The following MCF2L2 variants were observed in gnomAD, a reference collection of about 807,000 sequenced individuals.
MCF2L2 encodes the protein probable guanine nucleotide exchange factor MCF2L2.
MCF2L2 carries 102 observed loss-of-function variants against 150.2 expected under a neutral mutation model. The ratio of observed to expected loss-of-function variants is 0.68; its 90% CI spans 0.58 to 0.80. The LOEUF is 0.80. Among genes scored for constraint, MCF2L2 ranks in the 30% least tolerant of loss-of-function variants. The probability of loss-of-function intolerance (pLI) is 0.00; values close to 1 mark genes in which losing one functional copy is unlikely to be tolerated. For missense variants in MCF2L2, 1,256 were observed against 1,372.8 expected, an observed-to-expected ratio of 0.91 and a Z score of 1.34; for synonymous variants, 465 against 491.3, an observed-to-expected ratio of 0.95 and a Z score of 0.71.
In MCF2L2 at chr3:183,370,777, G is replaced by T. The variant is rs534715564; in HGVS notation, c.275+8520C>A. 3.8e-5 allele frequency among the ~76,000 whole-genome samples: 4 copies of T among 105,518 alleles called. No homozygotes were observed. The East Asian group carries it at 1.2e-3, about 33-fold the overall frequency. The allele number at this position is 105,518 out of a possible 152,430, so 69.2% of individuals were successfully genotyped here. ...TTTACTACAATTTACTTAAATTCTCGTGACATGTAAGACTTACTTGCCAGT... is the reference window on the plus strand; with the variant it reads ...TTTACTACAATTTACTTAAATTCTCTTGACATGTAAGACTTACTTGCCAGT... On this transcript the variant is annotated intron_variant, in intron 3 of 29. Transcript: ENST00000328913.
At chr3:183,313,056 G>A (rs1202451728) in intron 7 of MCF2L2, among the ~76,000 whole-genome samples, 1 of 152,168 alleles carries the variant, frequency 6.6e-6, no homozygotes, top group Non-Finnish European at 1.5e-5. Flanking sequence ...ATATTTGTAG[G>A]TTGGATAAAT....
chr3:183,217,829 G>T (rs935628342), intron 21 of MCF2L2, among the ~76,000 whole-genome samples: 1 of 152,150 alleles, frequency 6.6e-6, no homozygotes, highest in African/African-American at 2.4e-5. Context: ...CAGCGGAAAA[G>T]CAGTAACTAA....
chr3:183,239,303 G>T (rs1375818337), intron 15 of MCF2L2, among the ~76,000 whole-genome samples: 1 of 152,070 alleles, frequency 6.6e-6, no homozygotes, highest in Non-Finnish European at 1.5e-5. Context: ...AAGGGGAAAT[G>T]GAGGTATAAT....
At chr3:183,351,806 A>G (rs965977575) in intron 3 of MCF2L2, among the ~76,000 whole-genome samples, 11 of 152,232 alleles carry the variant, frequency 7.2e-5, no homozygotes, top group African/African-American at 2.7e-4. Flanking sequence ...TCTAATTCAG[A>G]AATAAAGTAT....
At chr3:183,316,160 C>T (rs1729593855) in intron 7 of MCF2L2, among the ~76,000 whole-genome samples, 1 of 152,192 alleles carries the variant, frequency 6.6e-6, no homozygotes. Flanking sequence ...GCACCTGGAC[C>T]CTGCTTTCAG....
chr3:183,195,734 A>G (rs1398632104), intron 25 of MCF2L2, among the ~76,000 whole-genome samples: 1 of 152,128 alleles, frequency 6.6e-6, no homozygotes, highest in East Asian at 1.9e-4. Context: ...TGCCTCCCAC[A>G]GCATAAAAGC....
At chr3:183,271,078 A>T in intron 15 of MCF2L2, 2 of 732,448 alleles carry the variant, frequency 2.7e-6, no homozygotes, top group Non-Finnish European at 4.2e-6. Context: ...TGTTTCTTTG[A>T]TTCTAGAAGC....
intron 27 of MCF2L2, among the ~76,000 whole-genome samples, chr3:183,188,519 C>T (rs1411939380): frequency 5.9e-5 from 9 of 152,178 alleles, no homozygotes; most frequent in African/African-American, 9.7e-5. Context: ...ACTCCATCCC[C>T]GCAGTGCCAT....
At chr3:183,257,656 C>G (rs144255702) in intron 15 of MCF2L2, among the ~76,000 whole-genome samples, 1 of 152,292 alleles carries the variant, frequency 6.6e-6, no homozygotes, top group African/African-American at 2.4e-5. Flanking sequence ...AACCCTCTAT[C>G]AAGTGTTGCT....
At chr3:183,399,845 A>G (rs1714648099) in intron 1 of MCF2L2, among the ~76,000 whole-genome samples, 1 of 152,190 alleles carries the variant, frequency 6.6e-6, no homozygotes, top group Non-Finnish European at 1.5e-5. Context: ...CTGATTCTCA[A>G]ATGAAGGATA....
chr3:183,272,449 C>G, intron 15 of MCF2L2: 1 of 1,000,108 alleles, frequency 1.0e-6, no homozygotes, highest in African/African-American at 1.7e-5. Flanking sequence ...AAAAAGATTT[C>G]TCAGTATACA....
At chr3:183,213,640 A>G (rs1248563952) in intron 22 of MCF2L2, among the ~76,000 whole-genome samples, 1 of 152,196 alleles carries the variant, frequency 6.6e-6, no homozygotes, top group African/African-American at 2.4e-5. Flanking sequence ...GAATCATTTG[A>G]GCTGAGTTAG....
chr3:183,231,770 T>G (rs1723570220), intron 15 of MCF2L2, among the ~76,000 whole-genome samples: 1 of 152,170 alleles, frequency 6.6e-6, no homozygotes, highest in Non-Finnish European at 1.5e-5. Context: ...GATCCAGATC[T>G]TTGACCCATA....
chr3:183,354,145 C>T (rs1229518018), intron 3 of MCF2L2, among the ~76,000 whole-genome samples: 1 of 152,206 alleles, frequency 6.6e-6, no homozygotes, highest in Non-Finnish European at 1.5e-5. Context: ...GATCTTAAGA[C>T]TAACACAACA....
intron 2 of MCF2L2, 82 bp from the exon 3 acceptor site, chr3:183,379,493 C>A: frequency 1.1e-6 from 1 of 880,064 alleles, no homozygotes; most frequent in Non-Finnish European, 1.8e-6. Context: ...GAAAGAATAT[C>A]GGTCACCTCT....
chr3:183,210,056 T>A (rs1407128369), intron 22 of MCF2L2, among the ~76,000 whole-genome samples: 1 of 152,128 alleles, frequency 6.6e-6, no homozygotes, highest in East Asian at 1.9e-4. Context: ...ATTCGACGCA[T>A]CTTACAGAAA....
intron 23 of MCF2L2, 63 bp from the exon 24 acceptor site, chr3:183,206,277 G>A: frequency 8.6e-7 from 1 of 1,158,604 alleles, no homozygotes; most frequent in Non-Finnish European, 1.3e-6. Flanking sequence ...AATAGTCCCT[G>A]TCAATCACTC....
intron 1 of MCF2L2, among the ~76,000 whole-genome samples, chr3:183,403,080 C>A (rs1314080156): frequency 1.3e-5 from 2 of 151,930 alleles, no homozygotes; most frequent in African/African-American, 4.8e-5. Context: ...TCGAGACCAG[C>A]CTGGCCAACA....
At chr3:183,206,754 C>T (rs980813641) in intron 23 of MCF2L2, among the ~76,000 whole-genome samples, 2 of 152,056 alleles carry the variant, frequency 1.3e-5, no homozygotes, top group African/African-American at 2.4e-5. Context: ...GCCTGTAATC[C>T]CAGCTACCTG....
Sources: allele counts gnomAD v4.1 joint callset (sites outside exome capture counted in the v4.1 genomes callset), GRCh38; gene constraint gnomAD v4.1.1; transcripts MANE v1.5; gene names NCBI Gene and HGNC (gene_info 2026-07-23, HGNC 2026-07-21).